Variants in TRIM51G observed in about 807,000 individuals in gnomAD.
The protein encoded by TRIM51G is tripartite motif-containing 51G, also known as tripartite motif-containing protein 51G.
chr11:48,978,000 A>G, the TRIM51G span: 3 of 436,692 alleles, frequency 6.9e-6, no homozygotes. Flanking sequence ...AGATGACTAC[A>G]TGGGGTGGGG....
the TRIM51G span, among the ~76,000 whole-genome samples, chr11:48,976,220 T>C: frequency 1.3e-5 from 2 of 152,122 alleles, no homozygotes; most frequent in East Asian, 3.9e-4. Flanking sequence ...TATTGAAAAC[T>C]TAAAAACTGA....
the TRIM51G span, chr11:48,978,085 C>G: frequency 2.0e-6 from 1 of 493,162 alleles, no homozygotes; most frequent in Non-Finnish European, 4.2e-6. Context: ...AAAGTTCCTG[C>G]TTGATATTTG....
chr11:48,978,179 G>A, the TRIM51G span: 4 of 532,198 alleles, frequency 7.5e-6, no homozygotes, highest in African/African-American at 5.8e-5. Context: ...AAAATAGAAA[G>A]GCTTAGTGCT....
chr11:48,979,751 G>C, the TRIM51G span, among the ~76,000 whole-genome samples: 22 of 150,570 alleles, frequency 1.5e-4, no homozygotes, highest in African/African-American at 4.4e-4. Flanking sequence ...ATGGATATTT[G>C]AGGAATATAT....
At chr11:48,975,859 GC>G in the TRIM51G span, 27 of 994,254 alleles carry the variant, frequency 2.7e-5, no homozygotes, top group Non-Finnish European at 3.3e-5. Flanking sequence ...GAAAAAATCA[GC>G]CCCCCATTGA....
the TRIM51G span, chr11:48,977,300 A>G: frequency 1.8e-6 from 1 of 564,254 alleles, no homozygotes; most frequent in South Asian, 1.8e-5. Flanking sequence ...TGCTAATTCC[A>G]AAATTATCAT....
At chr11:48,981,535 T>A in the TRIM51G span, 23 of 1,602,812 alleles carry the variant, frequency 1.4e-5, no homozygotes, top group Middle Eastern at 2.2e-4. Flanking sequence ...CTTCTTGCAT[T>A]TAGAGCACTG....
chr11:48,976,559 T>G, the TRIM51G span, among the ~76,000 whole-genome samples: 1 of 152,164 alleles, frequency 6.6e-6, no homozygotes, highest in African/African-American at 2.4e-5. Flanking sequence ...CTCTTCATGT[T>G]GTAACTAAAC....
chr11:48,981,895 G>A, the TRIM51G span, among the ~76,000 whole-genome samples: 1 of 152,090 alleles, frequency 6.6e-6, no homozygotes, highest in African/African-American at 2.4e-5. Flanking sequence ...CTACTGACTG[G>A]ATGACTCACA....
At chr11:48,978,793 G>C in the TRIM51G span, 1 of 692,064 alleles carries the variant, frequency 1.4e-6, no homozygotes, top group Non-Finnish European at 2.7e-6. Flanking sequence ...AGTAAAGGGG[G>C]AGACGGATTT....
At chr11:48,977,219 CA>C in the TRIM51G span, 4 of 871,754 alleles carry the variant, frequency 4.6e-6, no homozygotes, top group Non-Finnish European at 7.7e-6. Flanking sequence ...TATCAACAGC[CA>C]AAAAAATACA....
chr11:48,980,927 G>T, the TRIM51G span: 1 of 494,278 alleles, frequency 2.0e-6, no homozygotes, highest in Non-Finnish European at 4.2e-6. Flanking sequence ...TGATTCTGTT[G>T]GTTGCCATAT....
chr11:48,981,014 C>A, the TRIM51G span: 1 of 607,294 alleles, frequency 1.6e-6, no homozygotes, highest in South Asian at 1.5e-5. Context: ...GCAAAAGAGC[C>A]ATGAATTGAA....
At chr11:48,981,150 G>A in the TRIM51G span, 3 of 1,362,436 alleles carry the variant, frequency 2.2e-6, no homozygotes, top group Middle Eastern at 2.6e-4. Flanking sequence ...AATCTGAGAG[G>A]TGTGAAGTCA....
At chr11:48,981,214 C>A in the TRIM51G span, 1 of 1,583,016 alleles carries the variant, frequency 6.3e-7, no homozygotes, top group Admixed American at 1.7e-5. Flanking sequence ...ATCATCCAAT[C>A]TCGAAGGAAA....
the TRIM51G span, chr11:48,981,429 C>A: frequency 6.2e-7 from 1 of 1,607,748 alleles, no homozygotes; most frequent in South Asian, 1.1e-5. Context: ...ATATTTGCTC[C>A]TCAGAGCTAA....
At chr11:48,981,988 G>T in the TRIM51G span, among the ~76,000 whole-genome samples, 3 of 151,960 alleles carry the variant, frequency 2.0e-5, no homozygotes, top group South Asian at 6.2e-4. Flanking sequence ...TATGAAACTC[G>T]GGTTTTAATC....
At chr11:48,981,814 C>G in the TRIM51G span, 5 of 1,069,894 alleles carry the variant, frequency 4.7e-6, no homozygotes, top group Non-Finnish European at 6.9e-6. Flanking sequence ...TAAAGCGGAA[C>G]AAACTATTTC....
the TRIM51G span, chr11:48,975,982 T>C: frequency 1.5e-6 from 1 of 689,246 alleles, no homozygotes; most frequent in Non-Finnish European, 2.7e-6. Context: ...TCTTGCATGC[T>C]GCAGAGTAAG....
Sources: allele counts gnomAD v4.1 joint callset (sites outside exome capture counted in the v4.1 genomes callset), GRCh38; gene constraint gnomAD v4.1.1; transcripts MANE v1.5; gene names NCBI Gene and HGNC (gene_info 2026-07-23, HGNC 2026-07-21).